Variants in CFAP92 observed in about 807,000 individuals in gnomAD.
CFAP92 encodes cilia and flagella associated protein 92 (putative), also known as uncharacterized protein CFAP92.
Under a neutral mutation model 106.3 loss-of-function variants are expected in CFAP92, and 86 were observed. The observed-to-expected ratio is 0.81, with a 90% CI of 0.68 to 0.97. The LOEUF is 0.97. Ranked by LOEUF, CFAP92 falls within the 50% of genes least tolerant of loss-of-function variation. The pLI is 0.00. For missense variants in CFAP92, 1,204 were observed against 1,283.8 expected (o/e 0.94, Z 0.95); for synonymous variants, 477 against 506.4 (o/e 0.94, Z 0.78).
intron 15 of CFAP92, chr3:128,910,892 G>A: frequency 1.3e-6 from 2 of 1,530,086 alleles, no homozygotes; most frequent in Non-Finnish European, 9.1e-7. Flanking sequence ...TCTGGACCCT[G>A]TCAAGCTCCC....
At chr3:129,010,556 G>A in the CFAP92 span, among the ~76,000 whole-genome samples, 3 of 152,124 alleles carry the variant, frequency 2.0e-5, no homozygotes, top group Non-Finnish European at 4.4e-5. This position sits in a 1 kb window ranked among gnomAD's most constrained non-coding sequence, Gnocchi z 4.3. Context: ...GCTGGCCACC[G>A]TGGAGGGGAC....
At chr3:128,998,173 G>A (rs1944551225), upstream of CFAP92, among the ~76,000 whole-genome samples, 2 of 152,160 alleles carry the variant, frequency 1.3e-5, no homozygotes, top group African/African-American at 2.4e-5. Context: ...GTTGTTAAGA[G>A]TTCATTGTAA....
intron 7 of CFAP92, among the ~76,000 whole-genome samples, chr3:128,972,770 A>C (rs1165754550): frequency 1.3e-5 from 2 of 151,432 alleles, no homozygotes; most frequent in East Asian, 3.9e-4. Context: ...CAGGAGAATC[A>C]CTTGAACCTG....
chr3:128,929,502 G>T (rs1352425487), intron 12 of CFAP92, among the ~76,000 whole-genome samples: 1 of 152,130 alleles, frequency 6.6e-6, no homozygotes, highest in Admixed American at 6.5e-5. Flanking sequence ...ATTTATAATA[G>T]CCCCAAGCAA....
chr3:128,924,432 C>CTT (rs71153151), intron 12 of CFAP92, among the ~76,000 whole-genome samples: 6,879 of 69,816 alleles, frequency 0.099, 1,263 homozygotes, highest in Non-Finnish European at 0.11. Context: ...ACGATTGTAT[C>CTT]TTTTTTTTTT....
chr3:128,918,999 G>A (rs1442092896), intron 12 of CFAP92, among the ~76,000 whole-genome samples: 3 of 144,950 alleles, frequency 2.1e-5, no homozygotes, highest in African/African-American at 7.7e-5. Context: ...CCAGGTTGGA[G>A]TGGAATGGCG....
At chr3:128,998,257 T>G (rs1944555247), upstream of CFAP92, among the ~76,000 whole-genome samples, 1 of 152,258 alleles carries the variant, frequency 6.6e-6, no homozygotes. Flanking sequence ...CGTCATATTT[T>G]CTTAATAGTG....
chr3:129,015,568 G>T, the CFAP92 span, among the ~76,000 whole-genome samples: 1 of 150,802 alleles, frequency 6.6e-6, no homozygotes, highest in African/African-American at 2.4e-5. Context: ...ACCCAGCCCA[G>T]GCTGACACCC....
chr3:128,933,415 G>T (rs764423298), intron 11 of CFAP92, among the ~76,000 whole-genome samples: 1 of 152,244 alleles, frequency 6.6e-6, no homozygotes. Flanking sequence ...AGGCTGGAGA[G>T]AGAGTCCTCA....
At chr3:128,941,268 TTAAA>T (rs765939596) in intron 10 of CFAP92, among the ~76,000 whole-genome samples, 26 of 152,182 alleles carry the variant, frequency 1.7e-4, no homozygotes, top group South Asian at 2.1e-4. Context: ...CGATACCACA[TTAAA>T]TAATCTTATC....
chr3:128,956,935 A>G (rs576406725), intron 9 of CFAP92, among the ~76,000 whole-genome samples: 9 of 145,156 alleles, frequency 6.2e-5, no homozygotes, highest in Non-Finnish European at 1.2e-4. Flanking sequence ...AGCCAACATC[A>G]TGCCACTACA....
At chr3:128,972,389 G>A (rs905302817) in intron 7 of CFAP92, among the ~76,000 whole-genome samples, 21 of 151,794 alleles carry the variant, frequency 1.4e-4, no homozygotes, top group African/African-American at 2.4e-4. Flanking sequence ...CCACAGGCGC[G>A]TGCTACCACG....
chr3:128,988,618 C>T, intron 3 of CFAP92, 110 bp downstream of exon 3: 1 of 1,154,970 alleles, frequency 8.7e-7, no homozygotes, highest in Non-Finnish European at 1.2e-6. Flanking sequence ...CCGGGATCCT[C>T]CAATTCTAGC....
intron 4 of CFAP92, among the ~76,000 whole-genome samples, chr3:128,982,248 C>G (rs149094296): frequency 0.011 from 1,624 of 152,346 alleles, 12 homozygotes; most frequent in South Asian, 0.022. Flanking sequence ...TGCAGCTTCT[C>G]CGTCAGCACT....
At position 128,965,618 on chromosome 3, in the gene CFAP92, C is replaced by A. The variant is rs1468040093; in HGVS notation, c.1246G>T (p.Val416Phe). The change falls in exon 9 of 16, where the codon GTT becomes TTT. Residue 416 changes from valine (V) to phenylalanine (F), a missense_variant. By Grantham distance (50) the Val-to-Phe change is conservative. Transcript: ENST00000645291. Reference sequence around the variant, plus strand: ...TTTTGCTCCTCGGTCATGATCGGAACTTCTGTTTTTAAAGTCAAAAGGCAA... The same window carrying A: ...TTTTGCTCCTCGGTCATGATCGGAAATTCTGTTTTTAAAGTCAAAAGGCAA... ...LDCLLTLKTE[V>F]PIMTEEQKQD... 2 of 398,686 alleles carry A rather than the reference C, an allele frequency of 5.0e-6. No homozygotes were observed. The highest frequency in any genetic ancestry group is 4.1e-5 in the African/African-American group (2 of 48,564). 24.7% of individuals were successfully genotyped at this position (398,686 alleles called of 1,614,324 possible).
rs1215721926 is a variant in CFAP92 at position 128,945,218 on chromosome 3, G to C, written c.2111C>G (p.Ala704Gly). ...PVRTLQQILSAFKVRVRVQEQ... is the reference protein window; with the variant it reads ...PVRTLQQILSGFKVRVRVQEQ... ...CTGGACCCGCACACGCACCTTGAAG[G>C]CTGACAGGATCTGCTGCAGGGTCCT... Residue 704 changes from alanine (A) to glycine (G), a missense_variant, in exon 10 of 16, where the codon GCC (alanine) becomes GGC (glycine). By Grantham distance (60) the Ala-to-Gly change is moderately conservative (BLOSUM62 0). Coordinates refer to ENST00000645291, the MANE Select transcript of CFAP92 (RefSeq NM_001394090.1). 6 of 1,536,148 alleles carry C rather than the reference G, an allele frequency of 3.9e-6. No individual in the cohort carries two copies. Among genetic ancestry groups the C allele is most frequent in the Admixed American group, 2.0e-5 (1 of 51,002 alleles).
chr3:128,983,625 A>C (rs1943662198), intron 4 of CFAP92, among the ~76,000 whole-genome samples: 1 of 152,192 alleles, frequency 6.6e-6, no homozygotes, highest in African/African-American at 2.4e-5. Flanking sequence ...ACGCTACAAG[A>C]AAGAAGTGGA....
intron 12 of CFAP92, among the ~76,000 whole-genome samples, chr3:128,920,435 T>G (rs1937175935): frequency 6.6e-6 from 1 of 151,936 alleles, no homozygotes; most frequent in African/African-American, 2.4e-5. Flanking sequence ...TTATGATTAA[T>G]CAAAATAAAT....
chr3:129,020,692 G>C, the CFAP92 span, among the ~76,000 whole-genome samples: 1 of 152,158 alleles, frequency 6.6e-6, no homozygotes, highest in South Asian at 2.1e-4. Flanking sequence ...TGAAAGACTT[G>C]GTAAGGCACG....
Sources: allele counts gnomAD v4.1 joint callset (sites outside exome capture counted in the v4.1 genomes callset), GRCh38; gene constraint gnomAD v4.1.1; non-coding constraint Gnocchi (gnomAD v3.1); transcripts MANE v1.5; gene names NCBI Gene and HGNC (gene_info 2026-07-23, HGNC 2026-07-21).